The following EPG5 variants were observed in gnomAD, a reference collection of about 807,000 sequenced individuals.
EPG5 encodes the protein ectopic P-granules 5 autophagy tethering factor, also known as ectopic P granules protein 5 homolog.
In EPG5, 159 loss-of-function variants were observed where a neutral mutation model predicts 302.7. That is an observed-to-expected ratio of 0.53 (90% CI 0.46 to 0.60). EPG5 has a LOEUF of 0.60. Ranked by LOEUF, EPG5 falls within the 20% of genes least tolerant of loss-of-function variation. EPG5 has a pLI of 0.00. For missense variants in EPG5, 2,896 were observed against 3,092.4 expected (o/e 0.94, Z 1.51); for synonymous variants, 1,158 against 1,136.8 (o/e 1.02, Z -0.37).
intron 1 of EPG5, among the ~76,000 whole-genome samples, chr18:45,957,596 C>T (rs2051060310): frequency 6.6e-6 from 1 of 152,168 alleles, no homozygotes; most frequent in Non-Finnish European, 1.5e-5. Flanking sequence ...CTCTTCATCG[C>T]TTACGGTTAA....
intron 16 of EPG5, among the ~76,000 whole-genome samples, chr18:45,919,986 C>G (rs1032496994): frequency 1.3e-5 from 2 of 152,212 alleles, no homozygotes; most frequent in Admixed American, 1.3e-4. Flanking sequence ...TTTTCTAAAT[C>G]AATTCTACCT....
the EPG5 span, among the ~76,000 whole-genome samples, chr18:45,803,467 C>G: frequency 6.6e-6 from 1 of 152,136 alleles, no homozygotes; most frequent in South Asian, 2.1e-4. Flanking sequence ...GTTTTTACCA[C>G]TTTTGGCCTG....
chr18:45,809,605 C>T, the EPG5 span, among the ~76,000 whole-genome samples: 2 of 152,250 alleles, frequency 1.3e-5, no homozygotes, highest in Non-Finnish European at 2.9e-5. Flanking sequence ...AATTAAATAA[C>T]CTGTTCCTGA....
intron 19 of EPG5, 98 bp downstream of exon 19, chr18:45,915,911 A>T: frequency 9.1e-7 from 1 of 1,103,894 alleles, no homozygotes; most frequent in Non-Finnish European, 1.3e-6. Context: ...GGTAATGGCC[A>T]CAGAGTAGAA....
chr18:45,941,986 G>A (rs1259205974), intron 9 of EPG5, among the ~76,000 whole-genome samples: 3 of 152,156 alleles, frequency 2.0e-5, no homozygotes, highest in Admixed American at 6.5e-5. Flanking sequence ...AACTTTGGGA[G>A]GCCAAGGCAG....
intron 10 of EPG5, 46 bp downstream of exon 10, chr18:45,939,554 G>A (rs776745908): frequency 6.3e-7 from 1 of 1,583,118 alleles, no homozygotes; most frequent in Non-Finnish European, 8.7e-7. Context: ...GTTCTTACTA[G>A]TGAGGAAGTT....
At chr18:45,944,246 AC>A (rs2050739963) in intron 7 of EPG5, 127 bp from the exon 8 acceptor site, 2 of 608,074 alleles carry the variant, frequency 3.3e-6, no homozygotes, top group Non-Finnish European at 5.9e-6. Context: ...GTCTTCATGG[AC>A]CTTTTCTCCA....
intron 11 of EPG5, among the ~76,000 whole-genome samples, chr18:45,931,841 A>G (rs983946624): frequency 5.9e-5 from 9 of 151,474 alleles, no homozygotes; most frequent in Admixed American, 1.3e-4. Flanking sequence ...TTTCAAAAAA[A>G]TAATAATAAT....
At chr18:45,896,021 G>C (rs571680004) in intron 27 of EPG5, among the ~76,000 whole-genome samples, 1 of 152,298 alleles carries the variant, frequency 6.6e-6, no homozygotes, top group South Asian at 2.1e-4. Context: ...CTTCATAGCA[G>C]GTAGAGTTTC....
At chr18:45,891,268 G>A (rs909269754) in intron 27 of EPG5, among the ~76,000 whole-genome samples, 2 of 151,916 alleles carry the variant, frequency 1.3e-5, no homozygotes, top group African/African-American at 4.8e-5. Flanking sequence ...GGAGGCCGAG[G>A]TGCGCGGATC....
Position 45,848,503 on chromosome 18 carries a change from G to C in EPG5, c.*3964C>G, listed in dbSNP as rs1041782393. ...AAGCTGATGCTGCCCAAGCATTTAG[G>C]GAGATAATTATGCCACTTGGACCAC... On this transcript the variant is annotated 3_prime_UTR_variant, in exon 44 of 44. Coordinates refer to ENST00000282041, the MANE Select transcript of EPG5 (RefSeq NM_020964.3). 7 of 152,264 alleles carry C rather than the reference G, an allele frequency of 4.6e-5. No individual in the cohort carries two copies. Among genetic ancestry groups the C allele is most frequent in the African/African-American group, 1.7e-4 (7 of 41,470 alleles). The allele number at this position is 152,264 out of a possible 1,614,324, so 9.4% of individuals were successfully genotyped here. A position where few individuals can be genotyped will look rare whatever the true frequency, so the allele number is the denominator to read the frequency against.
the EPG5 span, among the ~76,000 whole-genome samples, chr18:45,826,936 A>G: frequency 6.6e-6 from 1 of 152,128 alleles, no homozygotes; most frequent in African/African-American, 2.4e-5. Flanking sequence ...CTCTTTGGAG[A>G]CAGAGTCCCA....
intron 35 of EPG5, among the ~76,000 whole-genome samples, chr18:45,875,073 C>T (rs932017612): frequency 2.0e-5 from 3 of 152,128 alleles, no homozygotes; most frequent in East Asian, 1.9e-4. Context: ...GAGGCCAGCC[C>T]GCAAGTGAGT....
At chr18:45,869,050 G>A (rs537515625) in intron 36 of EPG5, among the ~76,000 whole-genome samples, 20 of 138,004 alleles carry the variant, frequency 1.4e-4, no homozygotes, top group South Asian at 4.6e-4. Context: ...GCAAGACTCC[G>A]TCTCAAAAAA....
intron 27 of EPG5, among the ~76,000 whole-genome samples, chr18:45,897,159 T>C (rs1158996622): frequency 6.6e-6 from 1 of 152,212 alleles, no homozygotes; most frequent in East Asian, 1.9e-4. Context: ...CTGGTGGTAT[T>C]TTCCACTGCA....
At chr18:45,837,634 G>C in the EPG5 span, 2 of 1,507,412 alleles carry the variant, frequency 1.3e-6, no homozygotes, top group Non-Finnish European at 8.8e-7. Flanking sequence ...GGCCGCTGAC[G>C]GCCATCTGGC....
At chr18:45,919,794 G>A (rs1324439509) in intron 16 of EPG5, among the ~76,000 whole-genome samples, 3 of 152,180 alleles carry the variant, frequency 2.0e-5, no homozygotes, top group African/African-American at 7.2e-5. Context: ...TTACAGGCGT[G>A]AGCCACTGCA....
the EPG5 span, among the ~76,000 whole-genome samples, chr18:45,835,425 C>G: frequency 1.3e-5 from 2 of 152,120 alleles, no homozygotes; most frequent in African/African-American, 2.4e-5. Context: ...AGGCAACGCA[C>G]AAGCACACAA....
intron 33 of EPG5, 126 bp downstream of exon 33, chr18:45,878,887 G>C (rs2049027623): frequency 2.8e-6 from 2 of 720,328 alleles, no homozygotes; most frequent in Non-Finnish European, 4.7e-6. Context: ...ATGGGCTCAT[G>C]CCTGTTCTAT....
Sources: gnomAD v4.1 joint callset for allele counts (sites outside exome capture counted in the v4.1 genomes callset) on GRCh38, gnomAD v4.1.1 for gene constraint, MANE v1.5 for transcripts, NCBI Gene and HGNC (gene_info 2026-07-23, HGNC 2026-07-21) for gene names.